Variants in REV1 observed in about 807,000 individuals in gnomAD.
The protein encoded by REV1 is translesion synthesis protein REV1.
A neutral mutation model predicts 137.4 loss-of-function variants in REV1; 42 were observed. That is an observed-to-expected ratio of 0.31 (90% CI 0.24 to 0.40). The LOEUF is 0.40. REV1 is among the 10% of genes least tolerant of loss of function. The pLI is 1.00. For synonymous variants in REV1, 524 were observed against 519.2 expected, an observed-to-expected ratio of 1.01 and a Z score of -0.12; for missense variants, 1,282 against 1,490.1, an observed-to-expected ratio of 0.86 and a Z score of 2.30.
chr2:99,440,944 A>G (rs982228642), intron 5 of REV1, among the ~76,000 whole-genome samples: 1 of 152,234 alleles, frequency 6.6e-6, no homozygotes, highest in African/African-American at 2.4e-5. Context: ...GGACATTTGC[A>G]AAGTAGCTGT....
chr2:99,485,841 C>T lies in REV1; in HGVS notation c.-11+3976G>A, dbSNP rs546105608. Among the ~76,000 whole-genome samples the T allele has an allele frequency of 3.9e-5, 6 of 152,338 alleles. No homozygotes were observed. The South Asian group carries it at 1.0e-3, about 26-fold the overall frequency. On this transcript the variant is annotated intron_variant, in intron 1 of 22. Transcript: ENST00000258428. ...GTAATAAATATAAAATTTAGCCAGACACAGTGGCTCACACTTGTAATCCCA... is the reference window on the plus strand; with the variant it reads ...GTAATAAATATAAAATTTAGCCAGATACAGTGGCTCACACTTGTAATCCCA...
chr2:99,404,032 TAAA>T, intron 18 of REV1, among the ~76,000 whole-genome samples: 1 of 152,224 alleles, frequency 6.6e-6, no homozygotes, highest in Non-Finnish European at 1.5e-5. Flanking sequence ...AGTACTAACT[TAAA>T]GAAACCCACT....
chr2:99,411,778 C>T (rs1208971179), intron 13 of REV1, among the ~76,000 whole-genome samples: 19 of 151,970 alleles, frequency 1.3e-4, no homozygotes, highest in Admixed American at 9.2e-4. Context: ...ATAAGTTCTG[C>T]TAATAAAATG....
chr2:99,479,187 G>A (rs1391186763), intron 1 of REV1, among the ~76,000 whole-genome samples: 2 of 151,896 alleles, frequency 1.3e-5, no homozygotes, highest in African/African-American at 4.8e-5. Flanking sequence ...AATTAGCCAG[G>A]TGTGGTGGCA....
chr2:99,429,762 G>C, intron 9 of REV1, 78 bp downstream of exon 9: 2 of 769,362 alleles, frequency 2.6e-6, no homozygotes, highest in Non-Finnish European at 3.7e-6. Context: ...CACTTCAAAA[G>C]ATTATAGTTC....
At chr2:99,421,802 C>A (rs968468529) in intron 10 of REV1, 149 bp from the exon 11 acceptor site, 5 of 718,104 alleles carry the variant, frequency 7.0e-6, no homozygotes, top group African/African-American at 5.5e-5. Context: ...TTTAGTCACC[C>A]AACTTTTAAC....
chr2:99,465,071 GAAATT>G, intron 1 of REV1, 86 bp from the exon 2 acceptor site: 1 of 1,161,430 alleles, frequency 8.6e-7, no homozygotes, highest in Non-Finnish European at 1.2e-6. Context: ...AAGAAAATGA[GAAATT>G]AAATTCAAAT....
intron 10 of REV1, 134 bp from the exon 11 acceptor site, chr2:99,421,787 A>G: frequency 1.1e-6 from 1 of 949,428 alleles, no homozygotes; most frequent in South Asian, 2.2e-5. Flanking sequence ...TGGCTGAAGT[A>G]CCATTTTAGT....
At chr2:99,445,524 T>G (rs1361543276) in intron 4 of REV1, among the ~76,000 whole-genome samples, 1 of 152,174 alleles carries the variant, frequency 6.6e-6, no homozygotes, top group Non-Finnish European at 1.5e-5. Flanking sequence ...TGTAGCAACT[T>G]AGGACAATAT....
intron 1 of REV1, among the ~76,000 whole-genome samples, chr2:99,468,552 T>A (rs938013096): frequency 6.6e-6 from 1 of 152,220 alleles, no homozygotes; most frequent in East Asian, 1.9e-4. Flanking sequence ...AAACAAAAAT[T>A]GCCTTCTAGT....
At chr2:99,468,978 C>T (rs746726237) in intron 1 of REV1, among the ~76,000 whole-genome samples, 12 of 152,170 alleles carry the variant, frequency 7.9e-5, no homozygotes, top group East Asian at 1.9e-4. Flanking sequence ...AGACTAGATA[C>T]GGACTCAAAT....
rs1675692437 is a variant in REV1, at chr2:99,402,996, T to G, written c.3277A>C (p.Lys1093Gln). The change falls in exon 20 of 23, where the codon AAG becomes CAG. Residue 1093 changes from lysine (K) to glutamine (Q), a missense_variant. Physicochemically the swap from Lys to Gln is moderately conservative, Grantham distance 53. Coordinates refer to ENST00000258428, the MANE Select transcript of REV1 (RefSeq NM_016316.4). ...GTTTTTGCAGGACTGTTAAGCAGCTTGTTATTCAAAGGACTCTGAATCCTT... is the reference window on the plus strand; with the variant it reads ...GTTTTTGCAGGACTGTTAAGCAGCTGGTTATTCAAAGGACTCTGAATCCTT... ...PKRIQSPLNN[K>Q]LLNSPAKTLP... 1 of 1,614,092 alleles carries G rather than the reference T, an allele frequency of 6.2e-7. No individual in the cohort carries two copies.
At chr2:99,463,490 A>G (rs1575185620) in intron 2 of REV1, among the ~76,000 whole-genome samples, 1 of 152,232 alleles carries the variant, frequency 6.6e-6, no homozygotes, top group African/African-American at 2.4e-5. Flanking sequence ...ATTGCACCCC[A>G]GCCTGGACAA....
chr2:99,419,683 G>C (rs192549626), intron 11 of REV1, among the ~76,000 whole-genome samples: 95 of 152,322 alleles, frequency 6.2e-4, no homozygotes, highest in East Asian at 1.5e-3. Flanking sequence ...GAGGGTAGAA[G>C]AGTCCTCAAA....
chr2:99,408,837 T>C (rs1676702526), intron 14 of REV1, among the ~76,000 whole-genome samples: 1 of 152,254 alleles, frequency 6.6e-6, no homozygotes, highest in African/African-American at 2.4e-5. Flanking sequence ...AGGAAAGTTA[T>C]TTCGTGTTTT....
chr2:99,416,868 G>A (rs190852785), intron 12 of REV1, among the ~76,000 whole-genome samples: 1,797 of 129,772 alleles, frequency 0.014, 42 homozygotes, highest in African/African-American at 0.052. Context: ...AGCCGAGATC[G>A]CACCATTGCA....
chr2:99,477,149 T>C (rs1280624987), intron 1 of REV1, among the ~76,000 whole-genome samples: 1 of 152,130 alleles, frequency 6.6e-6, no homozygotes, highest in Non-Finnish European at 1.5e-5. Context: ...CTTTTAGTAA[T>C]GGAACACCTC....
At chr2:99,469,949 G>GT (rs1391429839) in intron 1 of REV1, among the ~76,000 whole-genome samples, 3 of 151,836 alleles carry the variant, frequency 2.0e-5, no homozygotes, top group African/African-American at 7.3e-5. Context: ...GTGAAACCCC[G>GT]TCTCTACTAA....
At chr2:99,473,452 G>A (rs986451573) in intron 1 of REV1, among the ~76,000 whole-genome samples, 1 of 151,950 alleles carries the variant, frequency 6.6e-6, no homozygotes, top group Non-Finnish European at 1.5e-5. Flanking sequence ...AGAAGTACAA[G>A]TACTGGCTCT....
Sources: allele counts gnomAD v4.1 joint callset (sites outside exome capture counted in the v4.1 genomes callset), GRCh38; gene constraint gnomAD v4.1.1; transcripts MANE v1.5; gene names NCBI Gene and HGNC (gene_info 2026-07-23, HGNC 2026-07-21).